Variants in KSR1 observed in about 807,000 individuals in gnomAD.
The protein encoded by KSR1 is kinase suppressor of ras.
A neutral mutation model predicts 92.9 loss-of-function variants in KSR1; 35 were observed. That is an observed-to-expected ratio of 0.38 (90% CI 0.29 to 0.50). KSR1 has a LOEUF of 0.50. Ranked by LOEUF, KSR1 falls within the 20% of genes least tolerant of loss-of-function variation. The pLI is 0.94. For synonymous variants in KSR1, 467 were observed against 472.6 expected, an observed-to-expected ratio of 0.99 and a Z score of 0.15; for missense variants, 972 against 1,158.5, an observed-to-expected ratio of 0.84 and a Z score of 2.34.
chr17:27,573,107 G>A (rs1231919810), intron 2 of KSR1, among the ~76,000 whole-genome samples: 1 of 152,236 alleles, frequency 6.6e-6, no homozygotes, highest in Non-Finnish European at 1.5e-5. Context: ...ATTAACCTTG[G>A]AAGGCATCAG....
chr17:27,575,365 A>G (rs2072465367), intron 2 of KSR1, among the ~76,000 whole-genome samples: 1 of 152,198 alleles, frequency 6.6e-6, no homozygotes, highest in Admixed American at 6.5e-5. Flanking sequence ...GGGCATTGCC[A>G]TGGCATTTGT....
intron 1 of KSR1, among the ~76,000 whole-genome samples, chr17:27,539,443 G>A (rs776828582): frequency 6.6e-6 from 1 of 152,220 alleles, no homozygotes; most frequent in Non-Finnish European, 1.5e-5. Flanking sequence ...TAGACCTGCT[G>A]TCTGTTGCTT....
intron 5 of KSR1, among the ~76,000 whole-genome samples, chr17:27,586,662 G>A (rs1336528191): frequency 6.6e-6 from 1 of 152,148 alleles, no homozygotes; most frequent in African/African-American, 2.4e-5. Context: ...GGTAACACGG[G>A]GACTGGAGCA....
rs556398823 is a variant in KSR1, at chr17:27,605,519, G to A, written c.1700G>A (p.Arg567Gln). 51 of 1,599,310 alleles carry A rather than the reference G, an allele frequency of 3.2e-5. No homozygotes were observed. The highest frequency in any genetic ancestry group is 1.6e-4 in the Middle Eastern group (1 of 6,070). The change falls in exon 14 of 21, where the codon CGG (arginine) becomes CAG (glutamine). Residue 567 changes from arginine to glutamine, a missense_variant. Coordinates refer to ENST00000644974, the MANE Select transcript of KSR1 (RefSeq NM_001394583.1). ...TTGCCGAGCTCTCGCCGGCCCTGGC[G>A]GGGCCCCATCTCTCGCAAGGCCAGC... Reference protein sequence around the residue: ...DDLPSSRRPWRGPISRKASQT... With the variant: ...DDLPSSRRPWQGPISRKASQT...
intron 1 of KSR1, among the ~76,000 whole-genome samples, chr17:27,533,913 C>T (rs1221965081): frequency 6.6e-6 from 1 of 152,190 alleles, no homozygotes; most frequent in Admixed American, 6.5e-5. Context: ...TGAGATGCAT[C>T]CCCACCCTGT....
At chr17:27,566,182 G>A (rs2072056271) in intron 2 of KSR1, among the ~76,000 whole-genome samples, 1 of 152,160 alleles carries the variant, frequency 6.6e-6, no homozygotes, top group South Asian at 2.1e-4. Flanking sequence ...GCAAGGCAGG[G>A]AAAACCTCTT....
chr17:27,575,309 G>A (rs1261649430), intron 2 of KSR1, among the ~76,000 whole-genome samples: 6 of 152,208 alleles, frequency 3.9e-5, no homozygotes, highest in Non-Finnish European at 8.8e-5. Flanking sequence ...GCAATTCCTG[G>A]AACTGAGGGC....
chr17:27,573,399 C>G (rs1196201737), intron 2 of KSR1, among the ~76,000 whole-genome samples: 1 of 152,146 alleles, frequency 6.6e-6, no homozygotes, highest in Non-Finnish European at 1.5e-5. Flanking sequence ...TGTGTTAAAT[C>G]AAGTTTAGCC....
At chr17:27,591,243 G>A (rs2073156898) in intron 7 of KSR1, among the ~76,000 whole-genome samples, 1 of 152,214 alleles carries the variant, frequency 6.6e-6, no homozygotes, top group Non-Finnish European at 1.5e-5. Context: ...ACAGGCGATG[G>A]TAAAAACAGG....
At chr17:27,557,292 C>T (rs746787785) in intron 2 of KSR1, among the ~76,000 whole-genome samples, 15 of 152,170 alleles carry the variant, frequency 9.9e-5, no homozygotes, top group African/African-American at 2.7e-4. Flanking sequence ...GTTCCCTGTA[C>T]GTGTGAGAGA....
At chr17:27,494,740 A>C (rs747741361) in intron 1 of KSR1, among the ~76,000 whole-genome samples, 1 of 152,238 alleles carries the variant, frequency 6.6e-6, no homozygotes, top group African/African-American at 2.4e-5. Context: ...TTTCCCAATC[A>C]GCCTGGCAGT....
At position 27,617,148 on chromosome 17, in the gene KSR1, C is replaced by T. The variant is rs554838617; in HGVS notation, c.2494-147C>T. 8 of 781,228 alleles carry T rather than the reference C, an allele frequency of 1.0e-5. No homozygotes were observed. In the Admixed American group the frequency reaches 1.3e-4, roughly 12 times the overall value. 48.4% of individuals were successfully genotyped at this position (781,228 alleles called of 1,614,324 possible). ...GGTTCTCTGAAACCCAGTTACTTCT[C>T]ACCCCTTCATGTCGGCAGGGTGTTC... On this transcript the variant is annotated intron_variant, in intron 18 of 20. Coordinates refer to ENST00000644974, the MANE Select transcript of KSR1 (RefSeq NM_001394583.1).
chr17:27,610,343 G>A (rs2073880555), intron 17 of KSR1, 145 bp downstream of exon 17: 9 of 1,100,858 alleles, frequency 8.2e-6, no homozygotes, highest in South Asian at 1.5e-5. Context: ...TGGCTCTGCC[G>A]CTTGTTGAGT....
At chr17:27,541,536 G>T (rs1158105962) in intron 1 of KSR1, among the ~76,000 whole-genome samples, 3 of 152,192 alleles carry the variant, frequency 2.0e-5, no homozygotes, top group Admixed American at 6.5e-5. Context: ...AGGATTCACT[G>T]CCTGGAACAG....
intron 1 of KSR1, among the ~76,000 whole-genome samples, chr17:27,461,892 C>T (rs375252253): frequency 6.6e-6 from 1 of 152,222 alleles, no homozygotes; most frequent in South Asian, 2.1e-4. Flanking sequence ...ATGGACCATG[C>T]GGAGACGCTG....
chr17:27,558,788 C>T (rs1019807047), intron 2 of KSR1, among the ~76,000 whole-genome samples: 2 of 151,982 alleles, frequency 1.3e-5, no homozygotes, highest in Non-Finnish European at 2.9e-5. Flanking sequence ...TGAAGGACCC[C>T]CGCATCTTTG....
At chr17:27,531,917 G>A (rs2002512) in intron 1 of KSR1, among the ~76,000 whole-genome samples, 1,771 of 152,290 alleles carry the variant, frequency 0.012, 27 homozygotes, top group African/African-American at 0.04. Context: ...GGGAACCAGC[G>A]TTACCAGCTA....
In KSR1 at chr17:27,577,754, C is replaced by G. The variant is rs1171617047; in HGVS notation, c.520+115C>G. ...CGTGGCCCAGGGTTTCTGGGGCAGC[C>G]TGGAAAGGCCAGGGTTGGATGTTCA... On this transcript the variant is annotated intron_variant, in intron 3 of 20. Coordinates refer to ENST00000644974, the MANE Select transcript of KSR1 (RefSeq NM_001394583.1). The surrounding 1 kb of genome is among the most constrained non-coding windows in gnomAD (Gnocchi z 4.5). The G allele has an allele frequency of 5.7e-6, 5 of 875,338 alleles. No homozygotes were observed. Among genetic ancestry groups the G allele is most frequent in the Non-Finnish European group, 5.5e-6 (3 of 543,868 alleles). The allele number at this position is 875,338 out of a possible 1,614,324, so 54.2% of individuals were successfully genotyped here. A position where few individuals can be genotyped will look rare whatever the true frequency, so the allele number is the denominator to read the frequency against.
intron 1 of KSR1, among the ~76,000 whole-genome samples, chr17:27,525,935 G>A (rs931495525): frequency 2.6e-5 from 4 of 152,126 alleles, no homozygotes; most frequent in African/African-American, 4.8e-5. Flanking sequence ...AACAGTTTGC[G>A]TGGAAGGTGG....
Sources: allele counts gnomAD v4.1 joint callset (sites outside exome capture counted in the v4.1 genomes callset), GRCh38; gene constraint gnomAD v4.1.1; non-coding constraint Gnocchi (gnomAD v3.1); transcripts MANE v1.5; gene names NCBI Gene and HGNC (gene_info 2026-07-23, HGNC 2026-07-21).